PARD3B: variants seen among roughly 807,000 people sequenced by gnomAD.
PARD3B encodes the protein par-3 family cell polarity regulator beta.
In PARD3B, 103 loss-of-function variants were observed where a neutral mutation model predicts 130.2. The observed-to-expected ratio is 0.79, with a 90% CI of 0.67 to 0.93. The LOEUF is 0.93. PARD3B is among the 40% of genes least tolerant of loss of function. The probability of loss-of-function intolerance (pLI) is 0.00; values close to 1 mark genes in which losing one functional copy is unlikely to be tolerated. For synonymous variants in PARD3B, 583 were observed against 553.2 expected (o/e 1.05, Z -0.76); for missense variants, 1,609 against 1,499.2 (o/e 1.07, Z -1.21).
At chr2:205,234,781 T>C (rs892105505) in intron 15 of PARD3B, among the ~76,000 whole-genome samples, 3 of 152,108 alleles carry the variant, frequency 2.0e-5, no homozygotes, top group African/African-American at 7.2e-5. Flanking sequence ...ACATACCGCA[T>C]TCTGGACTAT....
chr2:205,473,557 A>C lies in PARD3B; in HGVS notation c.3045-26339A>C, dbSNP rs899211573. The stretch of plus-strand genomic sequence containing the variant: ...CTCATTAATATGGGTGATATCTTAC[A>C]TTGTTGGAAAGAGCTGAAATAAAAA... On this transcript the variant is annotated intron_variant, in intron 20 of 22. Coordinates refer to ENST00000406610, the MANE Select transcript of PARD3B (RefSeq NM_001302769.2). This position sits in a 1 kb window ranked among gnomAD's most constrained non-coding sequence, Gnocchi z 4.9. Among the ~76,000 whole-genome samples, 1 of 151,446 alleles carries C rather than the reference A, an allele frequency of 6.6e-6. No homozygotes were observed. Among genetic ancestry groups the C allele is most frequent in the Non-Finnish European group, 1.5e-5 (1 of 67,814 alleles).
At position 204,799,176 on chromosome 2, in the gene PARD3B, A is replaced by G. The variant is rs943554621; in HGVS notation, c.222+112894A>G. Among the ~76,000 whole-genome samples the G allele has an allele frequency of 6.6e-6, 1 of 151,826 alleles. No individual in the cohort carries two copies. The highest frequency in any genetic ancestry group is 1.5e-5 in the Non-Finnish European group (1 of 67,962). On this transcript the variant is annotated intron_variant, in intron 2 of 22. Transcript: ENST00000406610. This position sits in a 1 kb window ranked among gnomAD's most constrained non-coding sequence, Gnocchi z 4.1. ...GAGAGACCCAGACCTGGAAGCATTC[A>G]CCACAAGCTGCCTGAAAAGCCCATG...
chr2:205,335,541 G>A (rs888899918), intron 18 of PARD3B, among the ~76,000 whole-genome samples: 3 of 152,220 alleles, frequency 2.0e-5, no homozygotes, highest in Non-Finnish European at 2.9e-5. Flanking sequence ...TGTTTTAAAC[G>A]TGGCTGTTCC....
At chr2:204,724,315 T>C (rs1303176998) in intron 2 of PARD3B, among the ~76,000 whole-genome samples, 1 of 152,208 alleles carries the variant, frequency 6.6e-6, no homozygotes, top group East Asian at 1.9e-4. Flanking sequence ...TACTAGCAAA[T>C]AATATAGTGT....
chr2:205,059,586 C>T (rs757740434), intron 4 of PARD3B, among the ~76,000 whole-genome samples: 2 of 152,060 alleles, frequency 1.3e-5, no homozygotes, highest in Non-Finnish European at 2.9e-5. Flanking sequence ...ATACCTCTAG[C>T]ATAATTTGTT....
chr2:204,875,719 A>G (rs1346456097), intron 2 of PARD3B, among the ~76,000 whole-genome samples: 1 of 152,158 alleles, frequency 6.6e-6, no homozygotes, highest in Non-Finnish European at 1.5e-5. Flanking sequence ...ATCTGTTTTG[A>G]GTTTTTACAA....
chr2:204,723,672 G>C (rs982022368), intron 2 of PARD3B, among the ~76,000 whole-genome samples: 2 of 152,098 alleles, frequency 1.3e-5, no homozygotes, highest in Non-Finnish European at 2.9e-5. Context: ...AATCATGAAT[G>C]GATGAAAAGT....
At chr2:205,354,779 A>G (rs999569200) in intron 18 of PARD3B, among the ~76,000 whole-genome samples, 2 of 152,224 alleles carry the variant, frequency 1.3e-5, no homozygotes, top group African/African-American at 4.8e-5. Flanking sequence ...CATTCTAAAA[A>G]TGAAGCTTAC....
rs184314548 is a variant in PARD3B at position 205,203,717 on chromosome 2, C to T, written c.2140+10397C>T. 1.9e-3 allele frequency among the ~76,000 whole-genome samples: 294 copies of T among 152,206 alleles called. 5 individuals are homozygous for T. Among genetic ancestry groups the T allele is most frequent in the East Asian group, 8.1e-3 (42 of 5,180 alleles). ...AACATGCGGTATTTAGTTTTCTGTT[C>T]CTGTGTTAGTTTGCTGAGAATGATG... On this transcript the variant is annotated intron_variant, in intron 15 of 22. Coordinates refer to ENST00000406610, the MANE Select transcript of PARD3B (RefSeq NM_001302769.2).
chr2:204,618,896 T>A (rs997613680), intron 1 of PARD3B, among the ~76,000 whole-genome samples: 7 of 152,174 alleles, frequency 4.6e-5, no homozygotes, highest in African/African-American at 1.7e-4. Context: ...TTCCTTATGA[T>A]TTTTCTATCT....
intron 21 of PARD3B, among the ~76,000 whole-genome samples, chr2:205,528,636 C>T (rs1187956619): frequency 6.6e-6 from 1 of 152,094 alleles, no homozygotes; most frequent in East Asian, 1.9e-4. Context: ...GGATTACAGA[C>T]ATGTGCCACC....
In PARD3B at chr2:205,253,160, G is replaced by T; in HGVS notation, c.2185+7338G>T. ...CTGGTATCTCCAGTGTTTGGGTTTA[G>T]CTCCAACTTACAGGTTAGGACCAGC... On this transcript the variant is annotated intron_variant, in intron 16 of 22. Coordinates refer to ENST00000406610, the MANE Select transcript of PARD3B (RefSeq NM_001302769.2). The surrounding 1 kb of genome is among the most constrained non-coding windows in gnomAD (Gnocchi z 4.4). The T allele has an allele frequency of 2.8e-6, 1 of 361,150 alleles. No individual in the cohort carries two copies. The highest frequency in any genetic ancestry group is 2.1e-5 in the South Asian group (1 of 46,762). The allele number at this position is 361,150 out of a possible 1,614,324, so 22.4% of individuals were successfully genotyped here. A position where few individuals can be genotyped will look rare whatever the true frequency, so the allele number is the denominator to read the frequency against.
At position 205,104,495 on chromosome 2, in the gene PARD3B, A is replaced by G. The variant is rs1575794534; in HGVS notation, c.574A>G (p.Arg192Gly). The stretch of plus-strand genomic sequence containing the variant: ...ACAGACAGAACTACTAACTTCGCCA[A>G]GAACTAAGGACACATTGAGGTATTC... ...GVQTELLTSP[R>G]TKDTLSDMTR... Residue 192 changes from arginine (R) to glycine (G), a missense_variant, in exon 5 of 23, where the codon AGA becomes GGA. Physicochemically the swap from Arg to Gly is moderately radical, Grantham distance 125 (BLOSUM62 -2). Transcript: ENST00000406610. The G allele has an allele frequency of 6.4e-7, 1 of 1,567,210 alleles. No individual in the cohort carries two copies. Among genetic ancestry groups the G allele is most frequent in the African/African-American group, 1.4e-5 (1 of 74,040 alleles).
chr2:205,219,502 A>G (rs977632216), intron 15 of PARD3B, among the ~76,000 whole-genome samples: 58 of 152,214 alleles, frequency 3.8e-4, no homozygotes, highest in African/African-American at 1.3e-3. Flanking sequence ...TATTAAACAG[A>G]TGATAGTAGA....
chr2:205,151,847 T>C (rs2033779611), intron 10 of PARD3B, among the ~76,000 whole-genome samples: 1 of 152,226 alleles, frequency 6.6e-6, no homozygotes. Context: ...TGCAGTTTCT[T>C]CCTAGCCTGG....
At chr2:204,667,338 A>AT (rs943513897) in intron 1 of PARD3B, among the ~76,000 whole-genome samples, 129 of 152,032 alleles carry the variant, frequency 8.5e-4, no homozygotes, top group African/African-American at 3.0e-3. Context: ...TTTAAACTCA[A>AT]TTTTTTTACC....
intron 2 of PARD3B, among the ~76,000 whole-genome samples, chr2:204,916,289 GTTAAAAATATCTAATAGATACATGGTTGT>G (rs2047441165): frequency 6.6e-6 from 1 of 152,092 alleles, no homozygotes; most frequent in Admixed American, 6.5e-5. Context: ...GGCCACTTTT[GTTAAAAATATCTAATAGATACATGGTTGT>G]TTTGAACTTT....
intron 2 of PARD3B, among the ~76,000 whole-genome samples, chr2:204,875,836 TGTTGATAACTCAC>T (rs1420900795): frequency 1.3e-5 from 2 of 152,216 alleles, no homozygotes; most frequent in Non-Finnish European, 2.9e-5. Context: ...GTCATTGGTT[TGTTGATAACTCAC>T]TGAAGAGCCT....
At chr2:205,497,584 G>A (rs1169005918) in intron 20 of PARD3B, among the ~76,000 whole-genome samples, 3 of 151,910 alleles carry the variant, frequency 2.0e-5, no homozygotes, top group Non-Finnish European at 2.9e-5. Context: ...TTTTTGACAT[G>A]CAAAGCTCTT....
Sources: gnomAD v4.1 joint callset for allele counts (sites outside exome capture counted in the v4.1 genomes callset) on GRCh38, gnomAD v4.1.1 for gene constraint, Gnocchi (gnomAD v3.1) non-coding constraint, MANE v1.5 for transcripts, NCBI Gene and HGNC (gene_info 2026-07-23, HGNC 2026-07-21) for gene names.